ZNRF1: variants seen among roughly 807,000 people sequenced by gnomAD.
The protein encoded by ZNRF1 is zinc and ring finger 1.
A neutral mutation model predicts 18.4 loss-of-function variants in ZNRF1; 3 were observed. The ratio of observed to expected loss-of-function variants is 0.16; its 90% confidence interval spans 0.07 to 0.42. The LOEUF (loss-of-function observed/expected upper bound fraction) is 0.42, where lower values mean the gene tolerates loss of function less well. ZNRF1 is among the 10% of genes least tolerant of loss of function. The pLI is 0.99. For missense variants in ZNRF1, 310 were observed against 329.8 expected, an observed-to-expected ratio of 0.94 and a Z score of 0.47; for synonymous variants, 157 against 144.2, an observed-to-expected ratio of 1.09 and a Z score of -0.64.
rs2036338905 is a variant in ZNRF1 at position 75,108,090 on chromosome 16, A to G, written c.*390A>G. The G allele has an allele frequency of 3.7e-6, 1 of 273,282 alleles. No individual in the cohort carries two copies. The highest frequency in any genetic ancestry group is 7.2e-6 in the Non-Finnish European group (1 of 138,588). The allele number at this position is 273,282 out of a possible 1,614,324, so 16.9% of individuals were successfully genotyped here. On this transcript the variant is annotated 3_prime_UTR_variant, in exon 5 of 5. Transcript: ENST00000335325. The stretch of plus-strand genomic sequence containing the variant: ...ACAGCTTGCTGTTTGCTGCCCAGCC[A>G]TAACCCACTCAGTGACAGACGAACA...
intron 1 of ZNRF1, among the ~76,000 whole-genome samples, chr16:75,020,328 A>G (rs1303508546): frequency 6.6e-6 from 1 of 151,424 alleles, no homozygotes; most frequent in East Asian, 1.9e-4. Context: ...ATATAGTTGG[A>G]TTTTTTTCCA....
intron 1 of ZNRF1, among the ~76,000 whole-genome samples, chr16:75,072,634 C>G (rs567520489): frequency 6.4e-4 from 97 of 152,310 alleles, no homozygotes; most frequent in African/African-American, 2.3e-3. Context: ...AGCATTAACA[C>G]AGTTTAGAAC....
rs1346591205 is a variant in ZNRF1, at chr16:75,107,766, A to T, written c.*66A>T. ...CGCCCCTGCTCCAGGGAGGAGGCTCACCGGACCCTGGGGCAGAGCTGAGCT... is the reference window on the plus strand; with the variant it reads ...CGCCCCTGCTCCAGGGAGGAGGCTCTCCGGACCCTGGGGCAGAGCTGAGCT... On this transcript the variant is annotated 3_prime_UTR_variant, in exon 5 of 5. Coordinates refer to ENST00000335325, the MANE Select transcript of ZNRF1 (RefSeq NM_032268.5). 1 of 456,476 alleles carries T rather than the reference A, an allele frequency of 2.2e-6. No individual in the cohort carries two copies. The highest frequency in any genetic ancestry group is 2.3e-5 in the Admixed American group (1 of 42,572). The allele number at this position is 456,476 out of a possible 1,614,324, so 28.3% of individuals were successfully genotyped here.
In ZNRF1 at chr16:75,068,821, C is replaced by A. The variant is rs377589842; in HGVS notation, c.425-24751C>A. The stretch of plus-strand genomic sequence containing the variant: ...AAATTTGGCCCTGGTAGCCAAGGCC[C>A]GAGAACACACTTCCCTTTTCACCCA... On this transcript the variant is annotated intron_variant, in intron 1 of 4. Transcript: ENST00000335325. Among the ~76,000 whole-genome samples, 19 of 152,170 alleles carry A rather than the reference C, an allele frequency of 1.2e-4. 2 individuals carry two copies. The highest frequency in any genetic ancestry group is 1.2e-3 in the South Asian group (6 of 4,818).
intron 1 of ZNRF1, among the ~76,000 whole-genome samples, chr16:75,051,026 C>T (rs1245516335): frequency 9.1e-6 from 1 of 110,418 alleles, no homozygotes; most frequent in Admixed American, 1.1e-4. Context: ...GACCTTGTCG[C>T]TACAAAAAGA....
In ZNRF1 at chr16:75,104,768, C is replaced by G. The variant is rs2036294222; in HGVS notation, c.521-16C>G. ...GGTGACTAACCCTCCTGCACTCTCC[C>G]CTGTCCCCCTTGCAGATGATGTGCT... On this transcript the variant is annotated splice_polypyrimidine_tract_variant and intron_variant, in intron 2 of 4. Transcript: ENST00000335325. 6.3e-7 allele frequency: 1 copy of G among 1,583,726 alleles called. No homozygotes were observed. The highest frequency in any genetic ancestry group is 8.6e-7 in the Non-Finnish European group (1 of 1,165,300).
At chr16:75,043,027 A>C (rs2035470028) in intron 1 of ZNRF1, among the ~76,000 whole-genome samples, 1 of 152,086 alleles carries the variant, frequency 6.6e-6, no homozygotes, top group Admixed American at 6.6e-5. Context: ...GTGTCATCCC[A>C]CCTCCTTGTC....
At chr16:75,047,935 A>G (rs1359929635) in intron 1 of ZNRF1, among the ~76,000 whole-genome samples, 1 of 148,216 alleles carries the variant, frequency 6.7e-6, no homozygotes, top group African/African-American at 2.5e-5. Flanking sequence ...TTCCCTTTGT[A>G]TGTGTCTGTG....
chr16:75,014,765 C>T (rs2145328198), intron 1 of ZNRF1, among the ~76,000 whole-genome samples: 1 of 152,112 alleles, frequency 6.6e-6, no homozygotes, highest in Middle Eastern at 3.4e-3. Context: ...CCTGAAATAA[C>T]ATATTTTTGC....
intron 1 of ZNRF1, among the ~76,000 whole-genome samples, chr16:75,012,388 G>T (rs2035010483): frequency 6.6e-6 from 1 of 152,200 alleles, no homozygotes; most frequent in African/African-American, 2.4e-5. Flanking sequence ...TGGACCTAAT[G>T]ATGAGAATCT....
intron 1 of ZNRF1, among the ~76,000 whole-genome samples, chr16:75,047,373 A>G (rs13337327): frequency 0.021 from 3,188 of 152,226 alleles, 100 homozygotes; most frequent in African/African-American, 0.065. Context: ...GATTCTGGCT[A>G]TGTTGCCCAG....
At chr16:75,080,981 G>A (rs1465944792) in intron 1 of ZNRF1, among the ~76,000 whole-genome samples, 1 of 152,134 alleles carries the variant, frequency 6.6e-6, no homozygotes, top group Non-Finnish European at 1.5e-5. Flanking sequence ...AGACCAGCCT[G>A]GCCAATATGG....
intron 3 of ZNRF1, chr16:75,106,240 C>T (rs1447800765): frequency 5.7e-6 from 3 of 523,102 alleles, no homozygotes; most frequent in Middle Eastern, 4.7e-4. Context: ...CCCCTTCCTG[C>T]AGCACCAGAT....
At chr16:75,104,561 T>G in intron 2 of ZNRF1, 1 of 427,578 alleles carries the variant, frequency 2.3e-6, no homozygotes, top group Non-Finnish European at 4.3e-6. Context: ...ATGTTGAGAT[T>G]AATCCCATTT....
chr16:75,059,578 G>A (rs1339498685), intron 1 of ZNRF1, among the ~76,000 whole-genome samples: 1 of 151,966 alleles, frequency 6.6e-6, no homozygotes, highest in Non-Finnish European at 1.5e-5. Context: ...TGTTTGTGAC[G>A]AAATGGCTCA....
At chr16:75,016,533 C>T (rs1303963355) in intron 1 of ZNRF1, among the ~76,000 whole-genome samples, 1 of 147,114 alleles carries the variant, frequency 6.8e-6, no homozygotes, top group African/African-American at 2.5e-5. Context: ...AGCCACTGCA[C>T]CCAGCCTATT....
At chr16:75,015,299 T>TA (rs890508625) in intron 1 of ZNRF1, among the ~76,000 whole-genome samples, 2 of 152,020 alleles carry the variant, frequency 1.3e-5, no homozygotes, top group Non-Finnish European at 2.9e-5. Context: ...CATGGGTAAT[T>TA]AAAAAAAAGG....
At chr16:75,066,050 G>A (rs1163003109) in intron 1 of ZNRF1, among the ~76,000 whole-genome samples, 1 of 152,204 alleles carries the variant, frequency 6.6e-6, no homozygotes, top group African/African-American at 2.4e-5. Flanking sequence ...GGGTCAGAAG[G>A]CATCTTTGCA....
At chr16:75,057,633 A>G (rs2035684699) in intron 1 of ZNRF1, among the ~76,000 whole-genome samples, 1 of 152,044 alleles carries the variant, frequency 6.6e-6, no homozygotes, top group African/African-American at 2.4e-5. Context: ...GGAAACTGCT[A>G]TGTATTTTTC....
Sources: allele counts gnomAD v4.1 joint callset (sites outside exome capture counted in the v4.1 genomes callset), GRCh38; gene constraint gnomAD v4.1.1; transcripts MANE v1.5; gene names NCBI Gene and HGNC (gene_info 2026-07-23, HGNC 2026-07-21).